FHIT: variants seen among roughly 807,000 people sequenced by gnomAD.
The protein encoded by FHIT is bis(5'-adenosyl)-triphosphatase.
Under a neutral mutation model 17.9 loss-of-function variants are expected in FHIT, and 19 were observed. That is an observed-to-expected ratio of 1.06 (90% CI 0.74 to 1.56). The LOEUF (loss-of-function observed/expected upper bound fraction) is 1.56. FHIT is among the 40% of genes most tolerant of loss of function. The pLI, the probability that FHIT is intolerant of heterozygous loss-of-function variation, is 0.00. For synonymous variants in FHIT, 81 were observed against 69.7 expected, an observed-to-expected ratio of 1.16 and a Z score of -0.81; for missense variants, 248 against 189.2, an observed-to-expected ratio of 1.31 and a Z score of -1.82.
At chr3:60,228,449 T>G (rs998781203) in intron 5 of FHIT, among the ~76,000 whole-genome samples, 1 of 152,152 alleles carries the variant, frequency 6.6e-6, no homozygotes, top group African/African-American at 2.4e-5. Flanking sequence ...AATTGCATAC[T>G]GTTAAAAGGT....
At chr3:60,212,103 A>G (rs1703478500) in intron 5 of FHIT, among the ~76,000 whole-genome samples, 1 of 152,134 alleles carries the variant, frequency 6.6e-6, no homozygotes. Flanking sequence ...TACTTGTTTT[A>G]AGCTGCTGGC....
At chr3:60,072,723 C>T (rs1353464268) in intron 5 of FHIT, among the ~76,000 whole-genome samples, 1 of 151,850 alleles carries the variant, frequency 6.6e-6, no homozygotes, top group African/African-American at 2.4e-5. Context: ...TGCTCTTAAC[C>T]CTTGCAGCAT....
At chr3:59,773,621 C>T (rs1455957901) in intron 8 of FHIT, among the ~76,000 whole-genome samples, 2 of 152,142 alleles carry the variant, frequency 1.3e-5, no homozygotes. Flanking sequence ...TCCTGGAGCA[C>T]CCTACACTGC....
intron 5 of FHIT, among the ~76,000 whole-genome samples, chr3:60,509,013 T>C (rs2034842732): frequency 6.6e-6 from 1 of 152,178 alleles, no homozygotes; most frequent in Non-Finnish European, 1.5e-5. Context: ...CTGTGGTGTC[T>C]ACCAGCTAAG....
chr3:60,414,049 G>C (rs1398011575), intron 5 of FHIT, among the ~76,000 whole-genome samples: 3 of 152,178 alleles, frequency 2.0e-5, no homozygotes, highest in Non-Finnish European at 4.4e-5. Context: ...GAGGCACAAT[G>C]ATAAAGACTG....
At chr3:59,929,375 T>G (rs1272076950) in intron 7 of FHIT, among the ~76,000 whole-genome samples, 1 of 136,950 alleles carries the variant, frequency 7.3e-6, no homozygotes, top group Non-Finnish European at 1.6e-5. Flanking sequence ...TTTTTTTTTT[T>G]TTTTTTTTTT....
chr3:59,771,580 A>T (rs1307023963), intron 8 of FHIT, among the ~76,000 whole-genome samples: 1 of 152,184 alleles, frequency 6.6e-6, no homozygotes, highest in Non-Finnish European at 1.5e-5. Flanking sequence ...AGTTCTAAGC[A>T]ATTAAATAAT....
intron 4 of FHIT, among the ~76,000 whole-genome samples, chr3:60,793,448 G>T (rs1280568458): frequency 6.6e-6 from 1 of 152,050 alleles, no homozygotes; most frequent in African/African-American, 2.4e-5. Flanking sequence ...GATTACAGGT[G>T]CCTGCTACCA....
At chr3:60,703,486 G>C (rs2041296315) in intron 4 of FHIT, among the ~76,000 whole-genome samples, 1 of 152,132 alleles carries the variant, frequency 6.6e-6, no homozygotes, top group Admixed American at 6.5e-5. Context: ...TTCAGAACCA[G>C]TTTGTAATTT....
intron 4 of FHIT, among the ~76,000 whole-genome samples, chr3:60,709,641 T>G (rs553710471): frequency 6.6e-6 from 1 of 152,224 alleles, no homozygotes; most frequent in Non-Finnish European, 1.5e-5. Flanking sequence ...ATCTTCCAAA[T>G]GTTGACACCT....
chr3:61,083,359 G>A (rs1338438106), intron 2 of FHIT, among the ~76,000 whole-genome samples: 2 of 152,288 alleles, frequency 1.3e-5, no homozygotes, highest in South Asian at 2.1e-4. Context: ...GGGAGGCCGA[G>A]GCGGGCGGAT....
At chr3:61,227,626 A>G (rs916822709) in intron 1 of FHIT, among the ~76,000 whole-genome samples, 7 of 152,206 alleles carry the variant, frequency 4.6e-5, no homozygotes, top group African/African-American at 1.7e-4. Context: ...GGTGGAAATA[A>G]AGAAGAAAAA....
chr3:61,044,945 C>A (rs954003749), intron 2 of FHIT, among the ~76,000 whole-genome samples: 5 of 152,172 alleles, frequency 3.3e-5, no homozygotes, highest in African/African-American at 4.8e-5. Context: ...GAGATTTAGC[C>A]ACCACCAGGC....
chr3:60,824,439 A>C (rs1374217811), intron 3 of FHIT, among the ~76,000 whole-genome samples: 9 of 152,356 alleles, frequency 5.9e-5, no homozygotes, highest in African/African-American at 2.2e-4. Context: ...TATTAGCAAC[A>C]GGTTTAACAG....
chr3:59,987,315 T>G (rs184818649), intron 7 of FHIT, among the ~76,000 whole-genome samples: 168 of 151,928 alleles, frequency 1.1e-3, no homozygotes, highest in African/African-American at 4.0e-3. Context: ...ATAAATGAGC[T>G]TGGCTGTGAA....
intron 8 of FHIT, among the ~76,000 whole-genome samples, chr3:59,843,540 C>T (rs1220240241): frequency 6.6e-6 from 1 of 152,116 alleles, no homozygotes; most frequent in African/African-American, 2.4e-5. Context: ...TCTTCTAATC[C>T]ATAAACATAA....
intron 2 of FHIT, among the ~76,000 whole-genome samples, chr3:61,054,892 A>G (rs1274803482): frequency 6.6e-6 from 1 of 151,948 alleles, no homozygotes; most frequent in Non-Finnish European, 1.5e-5. Flanking sequence ...TTACATTCTT[A>G]CTTTTCAGAC....
At chr3:60,334,915 TA>T (rs1710162305) in intron 5 of FHIT, among the ~76,000 whole-genome samples, 2 of 152,242 alleles carry the variant, frequency 1.3e-5, no homozygotes, top group African/African-American at 4.8e-5. Flanking sequence ...ATGGCTATAG[TA>T]TATAAGAAAC....
chr3:60,502,537 A>G (rs1559496820), intron 5 of FHIT, among the ~76,000 whole-genome samples: 2 of 152,202 alleles, frequency 1.3e-5, no homozygotes, highest in Non-Finnish European at 2.9e-5. Flanking sequence ...GCAAAGTTCT[A>G]GAGGACAGAG....
Sources: allele counts gnomAD v4.1 joint callset (sites outside exome capture counted in the v4.1 genomes callset), GRCh38; gene constraint gnomAD v4.1.1; transcripts MANE v1.5; gene names NCBI Gene and HGNC (gene_info 2026-07-23, HGNC 2026-07-21).